ENG: variants seen among roughly 807,000 people sequenced by gnomAD.
ENG encodes the protein endoglin.
In ENG, 17 loss-of-function variants were observed where a neutral mutation model predicts 71.0. The ratio of observed to expected loss-of-function variants is 0.24; its 90% CI spans 0.16 to 0.36. ENG has a LOEUF of 0.36. Ranked by LOEUF, ENG falls within the 10% of genes least tolerant of loss-of-function variation. ENG has a pLI of 1.00. For missense variants in ENG, 749 were observed against 868.3 expected (o/e 0.86, Z 1.73); for synonymous variants, 360 against 366.9 (o/e 0.98, Z 0.21).
intron 2 of ENG, among the ~76,000 whole-genome samples, chr9:127,842,230 T>C (rs60913613): frequency 8.1e-5 from 11 of 136,374 alleles, no homozygotes; most frequent in Admixed American, 1.5e-4. Flanking sequence ...CTTTTCTTTT[T>C]TTTTTTTTTT....
intron 1 of ENG, among the ~76,000 whole-genome samples, chr9:127,851,475 C>A (rs1438836353): frequency 6.6e-6 from 1 of 152,050 alleles, no homozygotes; most frequent in African/African-American, 2.4e-5. Flanking sequence ...CCGCCTCAGC[C>A]TCCCTCCCAA....
chr9:127,825,143 A>T, intron 6 of ENG, 88 bp downstream of exon 6: 5 of 1,610,994 alleles, frequency 3.1e-6, no homozygotes, highest in Non-Finnish European at 4.2e-6. Context: ...CCTTCAGCTC[A>T]GCTCGGGGGT....
rs34166162 is a variant in ENG at position 127,821,880 on chromosome 9, TAAAAA to T, written c.1135-1848_1135-1844del. 3.2e-4 allele frequency among the ~76,000 whole-genome samples: 17 copies of T among 53,032 alleles called. 1 individual carries two copies. The East Asian group carries it at 6.5e-3, about 20-fold the overall frequency. 34.8% of individuals were successfully genotyped at this position (53,032 alleles called of 152,430 possible). On this transcript the variant is annotated intron_variant, in intron 8 of 14. Transcript: ENST00000373203. ...CCCGGGCAATAGTGTGAGACTGTCT[TAAAAA>T]AAAAAAAAAAAAAAAAAAGCCAGGC...
chr9:127,848,262 A>G (rs4837188), intron 1 of ENG, among the ~76,000 whole-genome samples: 150,919 of 151,988 alleles, frequency 0.99, 74,933 homozygotes, highest in Middle Eastern at 1. Context: ...CCAGACCAAC[A>G]CTCATCCTTT....
At chr9:127,851,460 T>C (rs1003959624) in intron 1 of ENG, among the ~76,000 whole-genome samples, 1 of 151,988 alleles carries the variant, frequency 6.6e-6, no homozygotes, top group Non-Finnish European at 1.5e-5. Context: ...CCTCAGGTGA[T>C]CCACCCGCCT....
At chr9:127,820,722 G>A (rs1441616964) in intron 8 of ENG, among the ~76,000 whole-genome samples, 3 of 151,644 alleles carry the variant, frequency 2.0e-5, no homozygotes, top group South Asian at 2.1e-4. Context: ...CCAGCTACTC[G>A]GGAGGCTGAG....
intron 1 of ENG, among the ~76,000 whole-genome samples, chr9:127,844,104 A>T (rs1272579591): frequency 2.0e-5 from 3 of 147,144 alleles, no homozygotes; most frequent in African/African-American, 5.0e-5. Context: ...ATTTATTTTT[A>T]AAAATTATTT....
In ENG at chr9:127,815,926, G is replaced by A; in HGVS notation, c.1852+17C>T. ...GAGGGGCCCGGCATGCTCACTGTGG[G>A]GGCCTGGGGTACTCACGCGTGTGCG... On this transcript the variant is annotated intron_variant, in intron 14 of 14. Transcript: ENST00000373203. 1 of 1,588,782 alleles carries A rather than the reference G, an allele frequency of 6.3e-7. No homozygotes were observed. The highest frequency in any genetic ancestry group is 1.8e-5 in the Admixed American group (1 of 55,896).
chr9:127,819,413 G>A (rs562315497), intron 10 of ENG: 2 of 633,678 alleles, frequency 3.2e-6, no homozygotes, highest in African/African-American at 3.7e-5. Flanking sequence ...CACACAGCCA[G>A]TATGTGCTAA....
chr9:127,817,538 G>A (rs1162438533), intron 12 of ENG, among the ~76,000 whole-genome samples: 1 of 152,146 alleles, frequency 6.6e-6, no homozygotes, highest in Non-Finnish European at 1.5e-5. Flanking sequence ...ACTCTGGCTG[G>A]AGGGAGAGGC....
At chr9:127,825,144 G>A (rs1830575609) in intron 6 of ENG, 87 bp downstream of exon 6, 3 of 1,610,906 alleles carry the variant, frequency 1.9e-6, no homozygotes, top group Admixed American at 3.4e-5. Flanking sequence ...CTTCAGCTCA[G>A]CTCGGGGGTT....
intron 1 of ENG, among the ~76,000 whole-genome samples, chr9:127,848,944 C>G (rs1831233092): frequency 6.6e-6 from 1 of 152,190 alleles, no homozygotes; most frequent in South Asian, 2.1e-4. Flanking sequence ...CAGTAAACAA[C>G]CTTTTCCACC....
At chr9:127,828,539 C>T (rs1287740714) in intron 3 of ENG, among the ~76,000 whole-genome samples, 6 of 152,204 alleles carry the variant, frequency 3.9e-5, no homozygotes, top group Non-Finnish European at 5.9e-5. Flanking sequence ...GTTTCATGTT[C>T]CTGCCTCACC....
chr9:127,838,582 G>A lies in ENG; in HGVS notation c.219+4512C>T, dbSNP rs1830957221. Among the ~76,000 whole-genome samples, 1 of 152,222 alleles carries A rather than the reference G, an allele frequency of 6.6e-6. No individual in the cohort carries two copies. The highest frequency in any genetic ancestry group is 1.5e-5 in the Non-Finnish European group (1 of 68,038). The stretch of plus-strand genomic sequence containing the variant: ...CTGTTCAGGGGTGGGTGGGGTCTCA[G>A]CTGCCCCAAGTTTGCCCAGGAGTGG... On this transcript the variant is annotated intron_variant, in intron 2 of 14. Transcript: ENST00000373203. The surrounding 1 kb of genome is among the most constrained non-coding windows in gnomAD (Gnocchi z 4.3).
At chr9:127,852,166 T>A (rs1016504069) in intron 1 of ENG, among the ~76,000 whole-genome samples, 1 of 152,214 alleles carries the variant, frequency 6.6e-6, no homozygotes, top group Non-Finnish European at 1.5e-5. Flanking sequence ...GACACTTAGA[T>A]GATTTCCAGT....
In ENG at chr9:127,829,822, C is replaced by T. The variant is rs116146060; in HGVS notation, c.225G>A (p.Pro75=). 334 of 1,613,968 alleles carry T rather than the reference C, an allele frequency of 2.1e-4. 2 individuals are homozygous for T. The African/African-American group carries it at 2.8e-3, about 14-fold the overall frequency. Residue 75 remains proline, a synonymous_variant, in exon 3 of 15, where the codon CCG becomes CCA. Coordinates refer to ENST00000373203, the MANE Select transcript of ENG (RefSeq NM_001114753.3). The part of the protein sequence containing the change: ...HVLFLEFPTG[P]SQLELTLQAS... The stretch of plus-strand genomic sequence containing the variant: ...CCTGGAGAGTCAGCTCCAGCTGTGA[C>T]GGGCCCTGGGGGACACAGAGGAGAG...
At chr9:127,843,756 T>TATATATATATA (rs58967129) in intron 1 of ENG, among the ~76,000 whole-genome samples, 5 of 4,258 alleles carry the variant, frequency 1.2e-3, no homozygotes, top group African/African-American at 2.3e-3. Flanking sequence ...TATATATATA[T>TATATATATATA]TTTTTTTTTT....
At chr9:127,822,933 C>T (rs1290856353) in intron 8 of ENG, among the ~76,000 whole-genome samples, 2 of 152,010 alleles carry the variant, frequency 1.3e-5, no homozygotes, top group Admixed American at 6.6e-5. Context: ...CTCCCTCTAC[C>T]GGGTTCAAGC....
chr9:127,849,524 G>C (rs552820698), intron 1 of ENG, among the ~76,000 whole-genome samples: 3 of 152,244 alleles, frequency 2.0e-5, no homozygotes, highest in Non-Finnish European at 4.4e-5. Flanking sequence ...GGGGAAGAGC[G>C]GGGGTGGATA....
Sources: allele counts gnomAD v4.1 joint callset (sites outside exome capture counted in the v4.1 genomes callset), GRCh38; gene constraint gnomAD v4.1.1; non-coding constraint Gnocchi (gnomAD v3.1); transcripts MANE v1.5; gene names NCBI Gene and HGNC (gene_info 2026-07-23, HGNC 2026-07-21).